The following CDH13 variants were observed in gnomAD, a reference collection of about 807,000 sequenced individuals.
The protein encoded by CDH13 is cadherin-13.
A neutral mutation model predicts 63.8 loss-of-function variants in CDH13; 24 were observed. The observed-to-expected ratio is 0.38, with a 90% CI of 0.27 to 0.53. The LOEUF (loss-of-function observed/expected upper bound fraction) is 0.53. CDH13 is among the 20% of genes least tolerant of loss of function. CDH13 has a pLI of 0.85. For missense variants in CDH13, 1,049 were observed against 903.1 expected (o/e 1.16, Z -2.07); for synonymous variants, 503 against 355.3 (o/e 1.42, Z -4.67).
chr16:82,696,008 T>C (rs1048262018), intron 1 of CDH13, among the ~76,000 whole-genome samples: 5 of 152,206 alleles, frequency 3.3e-5, no homozygotes, highest in Non-Finnish European at 7.3e-5. Context: ...TTCTAATGTT[T>C]CTCTGACAGT....
intron 2 of CDH13, among the ~76,000 whole-genome samples, chr16:82,880,640 C>T (rs992451535): frequency 3.9e-5 from 6 of 152,182 alleles, no homozygotes; most frequent in African/African-American, 1.2e-4. Flanking sequence ...CCAACGGTGC[C>T]TGATTAGCAA....
At chr16:82,975,582 C>T (rs1250777363) in intron 2 of CDH13, among the ~76,000 whole-genome samples, 1 of 152,118 alleles carries the variant, frequency 6.6e-6, no homozygotes, top group Non-Finnish European at 1.5e-5. Context: ...GAGTTGGCAC[C>T]CAACAAATAA....
intron 11 of CDH13, among the ~76,000 whole-genome samples, chr16:83,779,693 T>C (rs1465410755): frequency 1.3e-5 from 2 of 151,840 alleles, no homozygotes; most frequent in South Asian, 2.1e-4. Flanking sequence ...TAGATGTAAA[T>C]GCTAAAAAAA....
Position 83,777,344 on chromosome 16 carries a change from G to T in CDH13, c.1682-2624G>T, listed in dbSNP as rs565068550. Among the ~76,000 whole-genome samples, 19 of 152,350 alleles carry T rather than the reference G, an allele frequency of 1.2e-4. No homozygotes were observed. In the East Asian group the frequency reaches 3.7e-3, roughly 29 times the overall value. ...CATCCTCAGTGCCCTCAGCTCTGGA[G>T]GAGCAGCTCCACCACGGCACCCCAT... is the stretch of plus-strand genomic sequence containing the variant. On this transcript the variant is annotated intron_variant, in intron 11 of 13. Transcript: ENST00000567109.
intron 5 of CDH13, among the ~76,000 whole-genome samples, chr16:83,263,746 G>A (rs1226795754): frequency 7.2e-5 from 11 of 152,268 alleles, no homozygotes; most frequent in African/African-American, 2.4e-4. Flanking sequence ...AGGGAGAGTG[G>A]CAGAGACAGC....
chr16:82,644,725 A>G lies in CDH13; in HGVS notation c.45+17588A>G, dbSNP rs1909876361. ...CTCCCAGGTAGCCAGCTCCCAGGTG[A>G]CAGGAGTCCGCTGGGCTCCCTCTGA... On this transcript the variant is annotated intron_variant, in intron 1 of 13. Coordinates refer to ENST00000567109, the MANE Select transcript of CDH13 (RefSeq NM_001257.5). The surrounding 1 kb of genome is among the most constrained non-coding windows in gnomAD (Gnocchi z 5.7). Among the ~76,000 whole-genome samples the G allele has an allele frequency of 1.3e-5, 2 of 152,152 alleles. No homozygotes were observed. The highest frequency in any genetic ancestry group is 4.8e-5 in the African/African-American group (2 of 41,426).
intron 2 of CDH13, among the ~76,000 whole-genome samples, chr16:82,895,792 C>G (rs1004553912): frequency 2.6e-5 from 4 of 151,766 alleles, no homozygotes. Flanking sequence ...AAGGGAGGCA[C>G]TCAGGAGCTT....
chr16:83,172,726 T>C (rs2037973924), intron 4 of CDH13, among the ~76,000 whole-genome samples: 1 of 151,968 alleles, frequency 6.6e-6, no homozygotes, highest in South Asian at 2.1e-4. Context: ...CCACCCAATC[T>C]ACAGTACTTT....
At chr16:82,985,665 A>T (rs989854246) in intron 2 of CDH13, among the ~76,000 whole-genome samples, 4 of 152,106 alleles carry the variant, frequency 2.6e-5, no homozygotes, top group African/African-American at 9.7e-5. Context: ...TCTTTCTGAA[A>T]TGTTGGTAAT....
At chr16:82,866,377 CTTTTTTTTTTTTT>C (rs538206338) in intron 2 of CDH13, among the ~76,000 whole-genome samples, 8 of 58,298 alleles carry the variant, frequency 1.4e-4, no homozygotes, top group African/African-American at 6.1e-4. Context: ...TTTTCTTCTT[CTTTTTTTTTTTTT>C]TTTTTTTTTT....
At chr16:83,558,330 C>T (rs1474084748) in intron 7 of CDH13, among the ~76,000 whole-genome samples, 1 of 152,094 alleles carries the variant, frequency 6.6e-6, no homozygotes, top group Admixed American at 6.6e-5. Context: ...CCAGCAGCCA[C>T]AAACATCTAT....
chr16:83,544,357 G>A (rs931745895), intron 7 of CDH13, among the ~76,000 whole-genome samples: 4 of 152,036 alleles, frequency 2.6e-5, no homozygotes, highest in Non-Finnish European at 5.9e-5. Flanking sequence ...ATTTCCTATA[G>A]ATGCTCCTCA....
chr16:82,820,488 A>C (rs886073002), intron 1 of CDH13, among the ~76,000 whole-genome samples: 1 of 152,200 alleles, frequency 6.6e-6, no homozygotes, highest in Non-Finnish European at 1.5e-5. Flanking sequence ...CAGTTTTATA[A>C]TTGGTTAGTG....
At chr16:83,014,743 A>AATAT (rs71146101) in intron 2 of CDH13, among the ~76,000 whole-genome samples, 715 of 33,078 alleles carry the variant, frequency 0.022, 16 homozygotes, top group Non-Finnish European at 0.03. Context: ...AAAAAAAAAA[A>AATAT]ATATATATAT....
rs534812478 is a variant in CDH13, at chr16:83,345,216, C to T, written c.781+210C>T. Among the ~76,000 whole-genome samples, 7 of 152,310 alleles carry T rather than the reference C, an allele frequency of 4.6e-5. No individual in the cohort carries two copies. The South Asian group carries it at 8.3e-4, about 18-fold the overall frequency. ...AAGCTACGGAAATCTCTTTCATTGT[C>T]TCTGAAGATCATCCTCCAAGGATGA... is the stretch of plus-strand genomic sequence containing the variant. On this transcript the variant is annotated intron_variant, in intron 6 of 13. Coordinates refer to ENST00000567109, the MANE Select transcript of CDH13 (RefSeq NM_001257.5).
intron 2 of CDH13, among the ~76,000 whole-genome samples, chr16:82,867,749 C>T (rs1018162094): frequency 6.6e-6 from 1 of 152,202 alleles, no homozygotes; most frequent in African/African-American, 2.4e-5. Flanking sequence ...GGAGGAAATA[C>T]ACTGTCAGTG....
At chr16:83,123,123 G>A (rs772345096) in intron 3 of CDH13, among the ~76,000 whole-genome samples, 1 of 151,910 alleles carries the variant, frequency 6.6e-6, no homozygotes, top group Non-Finnish European at 1.5e-5. Context: ...TTAGGCTTGA[G>A]TAGTATTTTA....
intron 4 of CDH13, among the ~76,000 whole-genome samples, chr16:83,179,981 A>T (rs1333518515): frequency 1.3e-5 from 2 of 152,054 alleles, no homozygotes; most frequent in Non-Finnish European, 2.9e-5. Context: ...TCTAATTTTA[A>T]TCCATATATT....
chr16:82,936,658 C>G (rs1414907620), intron 2 of CDH13, among the ~76,000 whole-genome samples: 1 of 152,174 alleles, frequency 6.6e-6, no homozygotes, highest in East Asian at 1.9e-4. Context: ...AGTGGTGATG[C>G]TACTTTAGAT....
Sources: allele counts gnomAD v4.1 joint callset (sites outside exome capture counted in the v4.1 genomes callset), GRCh38; gene constraint gnomAD v4.1.1; non-coding constraint Gnocchi (gnomAD v3.1); transcripts MANE v1.5; gene names NCBI Gene and HGNC (gene_info 2026-07-23, HGNC 2026-07-21).